PCDH9: variants seen among roughly 807,000 people sequenced by gnomAD.
PCDH9 encodes protocadherin-9.
PCDH9 carries 24 observed loss-of-function variants against 70.6 expected under a neutral mutation model. The ratio of observed to expected loss-of-function variants is 0.34; its 90% CI spans 0.25 to 0.48. The LOEUF (loss-of-function observed/expected upper bound fraction) is 0.48, where lower values mean the gene tolerates loss of function less well. Ranked by LOEUF, PCDH9 falls within the 20% of genes least tolerant of loss-of-function variation. PCDH9 has a pLI of 0.99. For synonymous variants in PCDH9, 562 were observed against 558.5 expected, an observed-to-expected ratio of 1.01 and a Z score of -0.09; for missense variants, 1,281 against 1,503.6, an observed-to-expected ratio of 0.85 and a Z score of 2.45.
At chr13:66,498,219 CT>C (rs11291001) in intron 4 of PCDH9, among the ~76,000 whole-genome samples, 129,348 of 150,248 alleles carry the variant, frequency 0.86, 55,802 homozygotes, top group East Asian at 1. Context: ...TCTCGGCTCA[CT>C]TGAAAGCTCC....
intron 4 of PCDH9, among the ~76,000 whole-genome samples, chr13:66,395,252 C>T (rs1046838731): frequency 2.6e-5 from 4 of 152,138 alleles, no homozygotes; most frequent in Non-Finnish European, 4.4e-5. Flanking sequence ...AATATTGATA[C>T]ATTCAAAAAT....
At chr13:67,161,342 G>A (rs2087953206) in intron 2 of PCDH9, among the ~76,000 whole-genome samples, 1 of 152,206 alleles carries the variant, frequency 6.6e-6, no homozygotes, top group Non-Finnish European at 1.5e-5. Context: ...TAAGAGTACA[G>A]CCTCAGAAGA....
At chr13:66,532,730 T>A (rs116791152) in intron 4 of PCDH9, among the ~76,000 whole-genome samples, 4,610 of 152,082 alleles carry the variant, frequency 0.03, 209 homozygotes, top group African/African-American at 0.1. Flanking sequence ...GGGGTTTCAC[T>A]TTCGGAGGCC....
chr13:67,067,570 C>A (rs996804986), intron 2 of PCDH9, among the ~76,000 whole-genome samples: 11 of 151,824 alleles, frequency 7.2e-5, no homozygotes, highest in Admixed American at 7.2e-4. Flanking sequence ...CCAAAGTAGA[C>A]ACTCTGTAAC....
chr13:66,835,120 G>C (rs780513013), intron 3 of PCDH9, among the ~76,000 whole-genome samples: 7 of 152,342 alleles, frequency 4.6e-5, no homozygotes, highest in Non-Finnish European at 8.8e-5. Flanking sequence ...CTACCAAATT[G>C]ACATAGTCAC....
At chr13:66,943,278 A>G (rs923540190) in intron 2 of PCDH9, among the ~76,000 whole-genome samples, 6 of 151,604 alleles carry the variant, frequency 4.0e-5, no homozygotes, top group Non-Finnish European at 8.8e-5. Context: ...TTTTCTATCT[A>G]CCTTTCCCTA....
intron 4 of PCDH9, among the ~76,000 whole-genome samples, chr13:66,305,624 C>A (rs1036000803): frequency 2.0e-5 from 3 of 152,052 alleles, no homozygotes; most frequent in Middle Eastern, 3.4e-3. Flanking sequence ...GTTAAATACT[C>A]ATTTTAAAGA....
chr13:66,737,927 C>T (rs1050467035), intron 3 of PCDH9, among the ~76,000 whole-genome samples: 6 of 152,094 alleles, frequency 3.9e-5, no homozygotes, highest in African/African-American at 1.4e-4. Context: ...GGAGGGGCGC[C>T]CGCCATTGCC....
At chr13:66,922,462 A>G (rs2082652121) in intron 2 of PCDH9, among the ~76,000 whole-genome samples, 1 of 151,348 alleles carries the variant, frequency 6.6e-6, no homozygotes, top group Non-Finnish European at 1.5e-5. Context: ...AAGGAATGCT[A>G]ATAGACATTT....
intron 3 of PCDH9, among the ~76,000 whole-genome samples, chr13:66,824,680 A>G (rs1429369911): frequency 1.7e-5 from 1 of 57,870 alleles, no homozygotes; most frequent in Non-Finnish European, 4.9e-5. Context: ...ATATATATAT[A>G]TATATATATA....
intron 2 of PCDH9, among the ~76,000 whole-genome samples, chr13:67,087,086 G>A (rs905057928): frequency 4.9e-5 from 3 of 61,288 alleles, no homozygotes; most frequent in African/African-American, 1.8e-4. Flanking sequence ...TTGATGTTTT[G>A]TAAAAAAAAA....
intron 4 of PCDH9, among the ~76,000 whole-genome samples, chr13:66,597,699 G>A (rs1315908329): frequency 6.6e-6 from 1 of 151,644 alleles, no homozygotes; most frequent in Non-Finnish European, 1.5e-5. Context: ...GACACCAAAA[G>A]CATAGGCAAC....
intron 2 of PCDH9, chr13:66,915,027 T>G (rs1031230644): frequency 1.3e-5 from 2 of 151,748 alleles, no homozygotes; most frequent in Non-Finnish European, 3.0e-5. Context: ...ATACATTTAC[T>G]TCAAGTAAGG....
intron 4 of PCDH9, among the ~76,000 whole-genome samples, chr13:66,517,727 G>A (rs975994272): frequency 1.6e-4 from 24 of 152,000 alleles, no homozygotes; most frequent in Non-Finnish European, 3.5e-4. Context: ...TTTTAGTAGC[G>A]AATCTTAAAT....
At chr13:67,185,862 A>T (rs540366470) in intron 2 of PCDH9, among the ~76,000 whole-genome samples, 3 of 152,248 alleles carry the variant, frequency 2.0e-5, no homozygotes, top group Non-Finnish European at 4.4e-5. Flanking sequence ...CCTCCCAAGT[A>T]GCTGGGATTA....
intron 2 of PCDH9, among the ~76,000 whole-genome samples, chr13:66,945,871 G>A (rs2083080224): frequency 6.6e-6 from 1 of 152,090 alleles, no homozygotes; most frequent in African/African-American, 2.4e-5. Flanking sequence ...TCTTAGGATG[G>A]AATTGCTAGG....
chr13:66,798,307 A>G (rs1034376232), intron 3 of PCDH9, among the ~76,000 whole-genome samples: 3 of 152,068 alleles, frequency 2.0e-5, no homozygotes, highest in Non-Finnish European at 2.9e-5. Flanking sequence ...AAAAATATCA[A>G]CTTTTTATGG....
At chr13:67,098,858 C>A (rs2086376049) in intron 2 of PCDH9, among the ~76,000 whole-genome samples, 1 of 151,976 alleles carries the variant, frequency 6.6e-6, no homozygotes, top group African/African-American at 2.4e-5. Context: ...AAAAACACAG[C>A]AGTGAAACAA....
intron 4 of PCDH9, among the ~76,000 whole-genome samples, chr13:66,600,190 T>G (rs2077149059): frequency 6.6e-6 from 1 of 151,882 alleles, no homozygotes; most frequent in African/African-American, 2.4e-5. Context: ...GACCAAGAAC[T>G]AACTATTAAA....
Sources: gnomAD v4.1 joint callset for allele counts (sites outside exome capture counted in the v4.1 genomes callset) on GRCh38, gnomAD v4.1.1 for gene constraint, MANE v1.5 for transcripts, NCBI Gene and HGNC (gene_info 2026-07-23, HGNC 2026-07-21) for gene names.